MAP3K8: variants seen among roughly 807,000 people sequenced by gnomAD.
MAP3K8 encodes Ewing sarcoma transformant.
A neutral mutation model predicts 45.8 loss-of-function variants in MAP3K8; 22 were observed. The ratio of observed to expected loss-of-function variants is 0.48; its 90% CI spans 0.34 to 0.69. MAP3K8 has a LOEUF of 0.69. Among genes scored for constraint, MAP3K8 ranks in the 30% least tolerant of loss-of-function variants. MAP3K8 has a pLI of 0.01. For synonymous variants in MAP3K8, 223 were observed against 214.3 expected (o/e 1.04, Z -0.36); for missense variants, 419 against 585.0 (o/e 0.72, Z 2.93).
chr10:30,457,720 A>C (rs1273359403), intron 6 of MAP3K8, among the ~76,000 whole-genome samples: 2 of 152,080 alleles, frequency 1.3e-5, no homozygotes. Context: ...ATCTCGGCTC[A>C]CAGCAGCCTC....
At chr10:30,438,760 G>C (rs1835994566) in intron 2 of MAP3K8, 156 bp from the exon 3 acceptor site, 3 of 562,130 alleles carry the variant, frequency 5.3e-6, no homozygotes, top group Non-Finnish European at 9.5e-6. Flanking sequence ...ACTCTGCACT[G>C]TCAACTTGAA....
chr10:30,447,676 T>A lies in MAP3K8; in HGVS notation c.337-106T>A, dbSNP rs896987828. 3.7e-6 allele frequency: 3 copies of A among 817,278 alleles called. No homozygotes were observed. In the African/African-American group the frequency reaches 5.1e-5, roughly 14 times the overall value. The allele number at this position is 817,278 out of a possible 1,614,324, so 50.6% of individuals were successfully genotyped here. A position where few individuals can be genotyped will look rare whatever the true frequency, so the allele number is the denominator to read the frequency against. ...AGCACAGTGACATTAATTTCATAAC[T>A]GTGTATCAGAATGCTGCTAAAATAA... is the stretch of plus-strand genomic sequence containing the variant. On this transcript the variant is annotated intron_variant, in intron 3 of 8. Transcript: ENST00000263056.
At chr10:30,447,655 C>T (rs1836386859) in intron 3 of MAP3K8, 127 bp from the exon 4 acceptor site, 1 of 756,638 alleles carries the variant, frequency 1.3e-6, no homozygotes, top group South Asian at 1.5e-5. Flanking sequence ...GGATTAAGCA[C>T]AGTGACATTA....
intron 6 of MAP3K8, among the ~76,000 whole-genome samples, chr10:30,453,542 T>C (rs572476351): frequency 6.6e-6 from 1 of 152,278 alleles, no homozygotes; most frequent in African/African-American, 2.4e-5. Flanking sequence ...GTATTTAACA[T>C]TCACATCATT....
Position 30,434,825 on chromosome 10 carries a change from C to T in MAP3K8, c.-255+447C>T, listed in dbSNP as rs140319331. 12 of 965,242 alleles carry T rather than the reference C, an allele frequency of 1.2e-5. No individual in the cohort carries two copies. The East Asian group carries it at 4.6e-4, about 37-fold the overall frequency. The allele number at this position is 965,242 out of a possible 1,614,324, so 59.8% of individuals were successfully genotyped here. ...TTTGATAATTTATAAGCCTTTTAGGCTCCCTTGACTTAGAGAACCAGGAGG... is the reference window on the plus strand; with the variant it reads ...TTTGATAATTTATAAGCCTTTTAGGTTCCCTTGACTTAGAGAACCAGGAGG... On this transcript the variant is annotated intron_variant, in intron 1 of 8. Transcript: ENST00000263056.
At chr10:30,454,382 A>T (rs1435944156) in intron 6 of MAP3K8, among the ~76,000 whole-genome samples, 1 of 101,556 alleles carries the variant, frequency 9.8e-6, no homozygotes. Flanking sequence ...TCGCTACAAA[A>T]AGTAAACAAA....
At chr10:30,436,352 G>A (rs1835907359) in intron 1 of MAP3K8, among the ~76,000 whole-genome samples, 1 of 152,158 alleles carries the variant, frequency 6.6e-6, no homozygotes, top group Admixed American at 6.5e-5. Flanking sequence ...CTGGTCAGCA[G>A]GGTTTCTGGG....
At chr10:30,457,742 C>T (rs1193663646) in intron 6 of MAP3K8, among the ~76,000 whole-genome samples, 1 of 152,134 alleles carries the variant, frequency 6.6e-6, no homozygotes, top group Non-Finnish European at 1.5e-5. Context: ...GCCTTCCGAG[C>T]TCAAGCGATT....
In MAP3K8 at chr10:30,451,739, A is replaced by T; in HGVS notation, c.868A>T (p.Thr290Ser). Residue 290 changes from threonine (T) to serine (S), a missense_variant, in exon 6 of 9, where the codon ACA becomes TCA. By Grantham distance (58) the Thr-to-Ser change is moderately conservative. Coordinates refer to ENST00000263056, the MANE Select transcript of MAP3K8 (RefSeq NM_005204.4). ...CTATTTTCCTAAGGACCTCCGAGGA[A>T]CAGAGGTAATTATGTTCACATGAAA... ...DVYFPKDLRG[T>S]EIYMSPEVIL... 1 of 1,535,406 alleles carries T rather than the reference A, an allele frequency of 6.5e-7. No individual in the cohort carries two copies. Among genetic ancestry groups the T allele is most frequent in the Non-Finnish European group, 8.9e-7 (1 of 1,121,966 alleles).
chr10:30,451,641 G>A lies in MAP3K8; in HGVS notation c.770G>A (p.Ser257Asn). The A allele has an allele frequency of 1.3e-6, 2 of 1,575,812 alleles. No individual in the cohort carries two copies. The highest frequency in any genetic ancestry group is 1.2e-5 in the South Asian group (1 of 83,650). ...AAAATATTTCCTCTCATTTTAGCTAGCAACATTGTTTTCATGTCCACAAAA... is the reference window on the plus strand; with the variant it reads ...AAAATATTTCCTCTCATTTTAGCTAACAACATTGTTTTCATGTCCACAAAA... The part of the protein sequence containing the change: ...KKVIHHDIKP[S>N]NIVFMSTKAV... The change falls in exon 6 of 9, where the codon AGC (serine) becomes AAC (asparagine). Residue 257 changes from serine to asparagine, a missense_variant. Ser to Asn is a conservative substitution (Grantham distance 46, BLOSUM62 1). This residue lies in a region of MAP3K8 where 209 missense variants were observed against 367.3 expected (regional missense o/e 0.57). Coordinates refer to ENST00000263056, the MANE Select transcript of MAP3K8 (RefSeq NM_005204.4).
At chr10:30,453,990 GGAAA>G (rs374994628) in intron 6 of MAP3K8, among the ~76,000 whole-genome samples, 1,960 of 150,760 alleles carry the variant, frequency 0.013, 34 homozygotes, top group African/African-American at 0.043. Context: ...AGAAAAAGAA[GGAAA>G]GAAAGAAAGA....
At chr10:30,448,863 A>G (rs1836439183) in intron 4 of MAP3K8, among the ~76,000 whole-genome samples, 1 of 152,140 alleles carries the variant, frequency 6.6e-6, no homozygotes, top group South Asian at 2.1e-4. Flanking sequence ...CTCCACAGAG[A>G]CCTGTCCACG....
chr10:30,440,397 AAAAAGTACT>A (rs1461009006), intron 3 of MAP3K8, among the ~76,000 whole-genome samples: 1 of 152,220 alleles, frequency 6.6e-6, no homozygotes, highest in Non-Finnish European at 1.5e-5. Flanking sequence ...CGGAGTCCAG[AAAAAGTACT>A]TAATTATTTT....
intron 8 of MAP3K8, 74 bp from the exon 9 acceptor site, chr10:30,460,632 C>A: frequency 7.9e-7 from 1 of 1,264,514 alleles, no homozygotes; most frequent in Non-Finnish European, 1.1e-6. Context: ...AGATTTATTT[C>A]ACTGCAGAAG....
intron 1 of MAP3K8, among the ~76,000 whole-genome samples, chr10:30,436,807 C>CTT (rs11428120): frequency 7.1e-4 from 105 of 147,704 alleles, no homozygotes; most frequent in African/African-American, 8.7e-4. Flanking sequence ...GTACTGAGAA[C>CTT]TTTTTTTTTT....
intron 2 of MAP3K8, among the ~76,000 whole-genome samples, chr10:30,438,014 A>T (rs575615754): frequency 6.6e-6 from 1 of 152,230 alleles, no homozygotes; most frequent in African/African-American, 2.4e-5. Flanking sequence ...TCATCTACAG[A>T]TCTCCAAGTG....
At chr10:30,460,392 A>G (rs758675586) in intron 8 of MAP3K8, among the ~76,000 whole-genome samples, 1 of 152,216 alleles carries the variant, frequency 6.6e-6, no homozygotes, top group African/African-American at 2.4e-5. Context: ...GTCCAAACCG[A>G]GATGTCAAGC....
At chr10:30,443,436 G>A (rs928924043) in intron 3 of MAP3K8, among the ~76,000 whole-genome samples, 2 of 152,166 alleles carry the variant, frequency 1.3e-5, no homozygotes, top group East Asian at 1.9e-4. Context: ...ATGTTCCCCA[G>A]ATCTTGTCTC....
chr10:30,453,606 C>G (rs1168585289), intron 6 of MAP3K8, among the ~76,000 whole-genome samples: 1 of 152,108 alleles, frequency 6.6e-6, no homozygotes, highest in Non-Finnish European at 1.5e-5. Context: ...TGCTATGTGG[C>G]AGGTTCTTGT....
Sources: gnomAD v4.1 joint callset for allele counts (sites outside exome capture counted in the v4.1 genomes callset) on GRCh38, gnomAD v4.1.1 for gene constraint, gnomAD v4.1.1 regional missense constraint, MANE v1.5 for transcripts, NCBI Gene and HGNC (gene_info 2026-07-23, HGNC 2026-07-21) for gene names.